Variants in KIAA1217 observed in about 807,000 individuals in gnomAD.
KIAA1217 encodes sickle tail protein homolog.
KIAA1217 carries 88 observed loss-of-function variants against 163.9 expected under a neutral mutation model. That is an observed-to-expected ratio of 0.54 (90% CI 0.45 to 0.64). KIAA1217 has a LOEUF of 0.64. KIAA1217 is among the 30% of genes least tolerant of loss of function. The pLI is 0.00. For missense variants in KIAA1217, 2,372 were observed against 2,475.0 expected, an observed-to-expected ratio of 0.96 and a Z score of 0.88; for synonymous variants, 903 against 923.1, an observed-to-expected ratio of 0.98 and a Z score of 0.39.
At chr10:24,477,508 C>A (rs1051095652) in intron 6 of KIAA1217, among the ~76,000 whole-genome samples, 3 of 152,234 alleles carry the variant, frequency 2.0e-5, no homozygotes, top group African/African-American at 7.2e-5. Flanking sequence ...CCCACCTCCA[C>A]ACAACAGAGA....
intron 1 of KIAA1217, among the ~76,000 whole-genome samples, chr10:24,210,177 G>T (rs1025173570): frequency 6.6e-6 from 1 of 152,068 alleles, no homozygotes; most frequent in Non-Finnish European, 1.5e-5. Flanking sequence ...TATGCACAGG[G>T]GAAAAGGTGT....
chr10:24,024,661 G>C (rs995230898), intron 2 of KIAA1217, among the ~76,000 whole-genome samples: 3 of 151,606 alleles, frequency 2.0e-5, no homozygotes, highest in Non-Finnish European at 4.4e-5. Flanking sequence ...AAAGGTGGTT[G>C]TATCGTTTTG....
At chr10:24,436,779 A>G (rs916139739) in intron 4 of KIAA1217, among the ~76,000 whole-genome samples, 1 of 151,308 alleles carries the variant, frequency 6.6e-6, no homozygotes, top group African/African-American at 2.4e-5. Flanking sequence ...AAAAAAAAAA[A>G]AAAAAGACAA....
chr10:24,444,277 G>T (rs1404724106), intron 5 of KIAA1217, among the ~76,000 whole-genome samples: 2 of 152,118 alleles, frequency 1.3e-5, no homozygotes, highest in African/African-American at 4.8e-5. Flanking sequence ...CTCCTAAAGT[G>T]CTGGATTTAC....
chr10:24,037,605 G>C (rs1178457628), intron 2 of KIAA1217, among the ~76,000 whole-genome samples: 1 of 152,234 alleles, frequency 6.6e-6, no homozygotes, highest in African/African-American at 2.4e-5. Context: ...CTCTGGAGTA[G>C]ATGGGCAAGT....
At chr10:24,220,155 A>G (rs1006920949) in intron 2 of KIAA1217, among the ~76,000 whole-genome samples, 1 of 152,140 alleles carries the variant, frequency 6.6e-6, no homozygotes, top group Non-Finnish European at 1.5e-5. Flanking sequence ...GGAAGGGCCT[A>G]GAGAGTATGC....
At chr10:23,989,161 T>A (rs1051142293) in intron 1 of KIAA1217, among the ~76,000 whole-genome samples, 1 of 152,190 alleles carries the variant, frequency 6.6e-6, no homozygotes, top group Non-Finnish European at 1.5e-5. Context: ...AAACATATTG[T>A]ACCTCAGCTT....
At chr10:23,946,682 T>A (rs542625784) in intron 1 of KIAA1217, among the ~76,000 whole-genome samples, 3 of 152,292 alleles carry the variant, frequency 2.0e-5, no homozygotes, top group Non-Finnish European at 2.9e-5. Flanking sequence ...TATCATCACA[T>A]AACAGCCTAC....
intron 1 of KIAA1217, among the ~76,000 whole-genome samples, chr10:23,806,907 T>A (rs1836768147): frequency 6.6e-6 from 1 of 152,210 alleles, no homozygotes; most frequent in South Asian, 2.1e-4. Flanking sequence ...GTCCCAGCAA[T>A]CCTAACTCTG....
chr10:24,078,503 T>C (rs2061437698), intron 2 of KIAA1217, among the ~76,000 whole-genome samples: 1 of 152,218 alleles, frequency 6.6e-6, no homozygotes, highest in Non-Finnish European at 1.5e-5. Flanking sequence ...AGAATTATTA[T>C]CCCATTGTGC....
chr10:23,869,540 A>G (rs1364163047), intron 1 of KIAA1217, among the ~76,000 whole-genome samples: 1 of 152,100 alleles, frequency 6.6e-6, no homozygotes, highest in Non-Finnish European at 1.5e-5. Context: ...ATACATGGGC[A>G]TGTCTCAATC....
chr10:24,071,486 G>A (rs1361502423), intron 2 of KIAA1217, among the ~76,000 whole-genome samples: 7 of 151,902 alleles, frequency 4.6e-5, no homozygotes. Flanking sequence ...GAAGAGAATA[G>A]GGTTAATTTA....
At chr10:24,498,259 G>A (rs1375066681) in intron 8 of KIAA1217, among the ~76,000 whole-genome samples, 3 of 152,124 alleles carry the variant, frequency 2.0e-5, no homozygotes, top group Admixed American at 2.0e-4. Context: ...AGAGGAAGGA[G>A]TTAGAAAAGA....
chr10:24,221,342 C>G (rs1430232400), intron 2 of KIAA1217, among the ~76,000 whole-genome samples: 1 of 139,264 alleles, frequency 7.2e-6, no homozygotes, highest in Non-Finnish European at 1.5e-5. Context: ...GCAGAAAGCA[C>G]TTAACCATAT....
intron 9 of KIAA1217, among the ~76,000 whole-genome samples, chr10:24,506,696 A>G (rs1279483816): frequency 3.3e-5 from 5 of 152,288 alleles, no homozygotes; most frequent in African/African-American, 9.6e-5. Context: ...GAATGGGGGG[A>G]AAAAACCTAC....
intron 1 of KIAA1217, among the ~76,000 whole-genome samples, chr10:23,901,513 G>A (rs1359910505): frequency 6.6e-6 from 1 of 151,998 alleles, no homozygotes; most frequent in East Asian, 1.9e-4. Context: ...AACTTATGTT[G>A]GAAATCAAAC....
At chr10:24,152,757 A>G (rs558014767) in intron 2 of KIAA1217, among the ~76,000 whole-genome samples, 1 of 152,014 alleles carries the variant, frequency 6.6e-6, no homozygotes, top group African/African-American at 2.4e-5. Flanking sequence ...GTAAAGAAAG[A>G]TTGTGCTGAT....
intron 2 of KIAA1217, among the ~76,000 whole-genome samples, chr10:24,285,437 C>T (rs548912267): frequency 3.3e-5 from 5 of 152,220 alleles, no homozygotes; most frequent in Admixed American, 6.5e-5. Flanking sequence ...TTCATTCCTC[C>T]GCTTATGGCT....
chr10:24,361,982 C>CAAA (rs68117028), intron 2 of KIAA1217, among the ~76,000 whole-genome samples: 36 of 100,496 alleles, frequency 3.6e-4, no homozygotes, highest in African/African-American at 7.7e-4. Context: ...GACTCTGTCT[C>CAAA]AAAAAAAAAA....
Sources: gnomAD v4.1 joint callset for allele counts (sites outside exome capture counted in the v4.1 genomes callset) on GRCh38, gnomAD v4.1.1 for gene constraint, MANE v1.5 for transcripts, NCBI Gene and HGNC (gene_info 2026-07-23, HGNC 2026-07-21) for gene names.